The following ADGRB3 variants were observed in gnomAD, a reference collection of about 807,000 sequenced individuals.
The protein encoded by ADGRB3 is brain-specific angiogenesis inhibitor 3.
ADGRB3 carries 37 observed loss-of-function variants against 193.4 expected under a neutral mutation model. The ratio of observed to expected loss-of-function variants is 0.19; its 90% CI spans 0.15 to 0.25. ADGRB3 has a LOEUF of 0.25. Among genes scored for constraint, ADGRB3 ranks in the 10% least tolerant of loss-of-function variants. The pLI is 1.00. For missense variants in ADGRB3, 1,637 were observed against 1,852.9 expected, an observed-to-expected ratio of 0.88 and a Z score of 2.14; for synonymous variants, 690 against 644.2, an observed-to-expected ratio of 1.07 and a Z score of -1.08.
At chr6:68,885,917 G>C (rs1765893956) in intron 3 of ADGRB3, among the ~76,000 whole-genome samples, 2 of 151,988 alleles carry the variant, frequency 1.3e-5, no homozygotes, top group Admixed American at 1.3e-4. Flanking sequence ...CTTATGTAAT[G>C]GATATGAAAA....
At chr6:69,281,011 C>A (rs910178926) in intron 20 of ADGRB3, among the ~76,000 whole-genome samples, 1 of 152,166 alleles carries the variant, frequency 6.6e-6, no homozygotes, top group Non-Finnish European at 1.5e-5. Flanking sequence ...CAGCAGCAGG[C>A]CAATTAATTA....
chr6:69,142,256 G>A (rs1303872052), intron 17 of ADGRB3, among the ~76,000 whole-genome samples: 2 of 152,024 alleles, frequency 1.3e-5, no homozygotes, highest in African/African-American at 4.8e-5. Flanking sequence ...TGGTTAAACC[G>A]ACCTGTTCCT....
chr6:68,907,388 C>G (rs918125080), intron 3 of ADGRB3, among the ~76,000 whole-genome samples: 1 of 151,636 alleles, frequency 6.6e-6, no homozygotes, highest in Admixed American at 6.6e-5. Context: ...TTCTTTGATT[C>G]TTATTCTGTT....
At chr6:68,640,974 T>TA (rs1172478056) in intron 3 of ADGRB3, among the ~76,000 whole-genome samples, 3 of 152,158 alleles carry the variant, frequency 2.0e-5, no homozygotes, top group South Asian at 4.1e-4. Context: ...TTTTCTGTAG[T>TA]AAAAAATCCC....
At chr6:69,209,416 G>T (rs752109412) in intron 17 of ADGRB3, among the ~76,000 whole-genome samples, 1 of 152,124 alleles carries the variant, frequency 6.6e-6, no homozygotes, top group African/African-American at 2.4e-5. Context: ...ATTTTACTGA[G>T]GTAGAAGGTC....
chr6:69,380,734 G>A (rs893146261), intron 30 of ADGRB3, among the ~76,000 whole-genome samples: 2 of 151,750 alleles, frequency 1.3e-5, no homozygotes, highest in African/African-American at 2.4e-5. Flanking sequence ...TCTTTATCAC[G>A]CTTACAGTTT....
At chr6:68,993,258 T>G (rs1460819760) in intron 10 of ADGRB3, among the ~76,000 whole-genome samples, 1 of 152,148 alleles carries the variant, frequency 6.6e-6, no homozygotes, top group Admixed American at 6.6e-5. Flanking sequence ...CTCCAAAGTT[T>G]AAAGATATTT....
intron 20 of ADGRB3, among the ~76,000 whole-genome samples, chr6:69,299,875 G>T (rs1411375889): frequency 6.6e-6 from 1 of 151,532 alleles, no homozygotes; most frequent in African/African-American, 2.4e-5. Context: ...AGTCTTTTGT[G>T]ATTCCATTTA....
intron 20 of ADGRB3, among the ~76,000 whole-genome samples, chr6:69,286,017 T>G (rs1048023759): frequency 1.4e-4 from 21 of 152,130 alleles, no homozygotes; most frequent in Non-Finnish European, 2.6e-4. Context: ...CATACTGGGT[T>G]TGTCACTTTT....
At chr6:68,787,565 A>T (rs1767002291) in intron 3 of ADGRB3, among the ~76,000 whole-genome samples, 1 of 152,114 alleles carries the variant, frequency 6.6e-6, no homozygotes, top group Non-Finnish European at 1.5e-5. Context: ...CCAGTATTTT[A>T]CTGAGGATTT....
chr6:69,018,481 T>G lies in ADGRB3; in HGVS notation c.2089T>G (p.Leu697Val), dbSNP rs1325607293. 1 of 1,602,886 alleles carries G rather than the reference T, an allele frequency of 6.2e-7. No individual in the cohort carries two copies. Among genetic ancestry groups the G allele is most frequent in the African/African-American group, 1.3e-5 (1 of 74,668 alleles). The change falls in exon 13 of 32, where the codon TTA (leucine) becomes GTA (valine). Residue 697 changes from leucine (L) to valine (V), a missense_variant. Coordinates refer to ENST00000370598, the MANE Select transcript of ADGRB3 (RefSeq NM_001704.3). ...MGMMDFQNSY[L>V]MTGNVVASIQ... The stretch of plus-strand genomic sequence containing the variant: ...GATGATGGACTTTCAGAATTCATAC[T>G]TAATGACTGGAAATGTAGGTAAGAA...
chr6:69,340,477 C>A lies in ADGRB3; in HGVS notation c.3459+973C>A, dbSNP rs1398257254. On this transcript the variant is annotated intron_variant, in intron 26 of 31. Coordinates refer to ENST00000370598, the MANE Select transcript of ADGRB3 (RefSeq NM_001704.3). Reference sequence around the variant, plus strand: ...TTGCATTATCTAGCTTGTTTGAGAACTTTATTGCAATGTGCACATTGCAAA... The same window carrying A: ...TTGCATTATCTAGCTTGTTTGAGAAATTTATTGCAATGTGCACATTGCAAA... Among the ~76,000 whole-genome samples the A allele has an allele frequency of 2.0e-5, 3 of 152,088 alleles. No homozygotes were observed. In the South Asian group the frequency reaches 6.2e-4, roughly 32 times the overall value.
chr6:69,368,552 A>G (rs965615734), intron 29 of ADGRB3, among the ~76,000 whole-genome samples: 1 of 152,122 alleles, frequency 6.6e-6, no homozygotes. Context: ...TGGAACTTAA[A>G]AGATGGTATT....
intron 16 of ADGRB3, among the ~76,000 whole-genome samples, chr6:69,074,888 C>G (rs1483559117): frequency 1.3e-5 from 2 of 152,066 alleles, no homozygotes; most frequent in Non-Finnish European, 2.9e-5. Flanking sequence ...TTATTATTAT[C>G]AATGACCAGG....
chr6:69,014,223 T>A (rs1172541918), intron 12 of ADGRB3, 117 bp downstream of exon 12: 1 of 643,424 alleles, frequency 1.6e-6, no homozygotes, highest in African/African-American at 1.9e-5. Flanking sequence ...CAGTCTAGGT[T>A]ATATCCTAGT....
chr6:68,860,527 G>T (rs1765122707), intron 3 of ADGRB3, among the ~76,000 whole-genome samples: 1 of 152,032 alleles, frequency 6.6e-6, no homozygotes, highest in Non-Finnish European at 1.5e-5. Context: ...TAGGATAATG[G>T]CCTCCCACTC....
At chr6:69,269,922 A>G (rs1767136439) in intron 20 of ADGRB3, among the ~76,000 whole-genome samples, 1 of 152,226 alleles carries the variant, frequency 6.6e-6, no homozygotes, top group African/African-American at 2.4e-5. Flanking sequence ...TGTAGTATTA[A>G]CACATTAGTA....
At chr6:68,691,826 T>C (rs1765080696) in intron 3 of ADGRB3, among the ~76,000 whole-genome samples, 1 of 131,576 alleles carries the variant, frequency 7.6e-6, no homozygotes. Context: ...ATCCTAATCC[T>C]TAATTAGAAG....
At chr6:69,149,930 G>C (rs1019636841) in intron 17 of ADGRB3, among the ~76,000 whole-genome samples, 7 of 86,660 alleles carry the variant, frequency 8.1e-5, no homozygotes, top group Non-Finnish European at 1.6e-4. Context: ...CTTTCTGTGT[G>C]TGTGTGTGTG....
Sources: gnomAD v4.1 joint callset for allele counts (sites outside exome capture counted in the v4.1 genomes callset) on GRCh38, gnomAD v4.1.1 for gene constraint, MANE v1.5 for transcripts, NCBI Gene and HGNC (gene_info 2026-07-23, HGNC 2026-07-21) for gene names.